Variants in CNGA1 observed in about 807,000 individuals in gnomAD.
The protein encoded by CNGA1 is cyclic nucleotide-gated channel alpha-1.
A neutral mutation model predicts 69.7 loss-of-function variants in CNGA1; 53 were observed. The ratio of observed to expected loss-of-function variants is 0.76; its 90% CI spans 0.61 to 0.96. The LOEUF (loss-of-function observed/expected upper bound fraction) is 0.96. CNGA1 is among the 40% of genes least tolerant of loss of function. The pLI is 0.00. For synonymous variants in CNGA1, 249 were observed against 283.5 expected (o/e 0.88, Z 1.22); for missense variants, 739 against 811.2 (o/e 0.91, Z 1.08).
At chr4:48,000,714 T>C (rs1190037798) in intron 2 of CNGA1, among the ~76,000 whole-genome samples, 1 of 124,356 alleles carries the variant, frequency 8.0e-6, no homozygotes, top group Admixed American at 8.7e-5. Flanking sequence ...AGGGAGAAAG[T>C]AGGCACATTA....
At chr4:47,967,949 G>A (rs954523191) in intron 3 of CNGA1, among the ~76,000 whole-genome samples, 5 of 152,180 alleles carry the variant, frequency 3.3e-5, no homozygotes, top group African/African-American at 1.2e-4. Context: ...CTGCACTCCA[G>A]CCTGGGTGAC....
At chr4:47,940,671 C>T in intron 10 of CNGA1, 92 bp downstream of exon 10, 1 of 939,564 alleles carries the variant, frequency 1.1e-6, no homozygotes, top group Non-Finnish European at 1.7e-6. Flanking sequence ...TGTGAGTTTT[C>T]TTTGAAGAAT....
intron 2 of CNGA1, among the ~76,000 whole-genome samples, chr4:48,000,991 A>C (rs1199901665): frequency 6.6e-6 from 1 of 152,182 alleles, no homozygotes; most frequent in Admixed American, 6.5e-5. Flanking sequence ...TTAGCCTTGA[A>C]TCTAACCACA....
intron 2 of CNGA1, among the ~76,000 whole-genome samples, chr4:47,992,694 T>C (rs538919223): frequency 2.0e-5 from 3 of 151,498 alleles, no homozygotes; most frequent in Non-Finnish European, 4.4e-5. Flanking sequence ...ATTTATTTAG[T>C]CTGATTGCTC....
intron 3 of CNGA1, among the ~76,000 whole-genome samples, chr4:47,963,567 G>A (rs1278067679): frequency 6.6e-6 from 1 of 152,190 alleles, no homozygotes; most frequent in Non-Finnish European, 1.5e-5. Flanking sequence ...ACTGTGGTGA[G>A]GATAAAATGA....
chr4:48,014,192 G>A (rs1304007312), intron 1 of CNGA1, among the ~76,000 whole-genome samples: 1 of 152,086 alleles, frequency 6.6e-6, no homozygotes, highest in Admixed American at 6.5e-5. Flanking sequence ...TCTTCTTTTA[G>A]TTAAACAAAC....
chr4:47,967,224 A>T (rs1283392955), intron 3 of CNGA1, among the ~76,000 whole-genome samples: 2 of 152,070 alleles, frequency 1.3e-5, no homozygotes, highest in Admixed American at 1.3e-4. Flanking sequence ...AATCACTTGA[A>T]CCCAGGAGAC....
chr4:47,976,302 C>T (rs375709252), intron 3 of CNGA1, among the ~76,000 whole-genome samples: 2 of 30,642 alleles, frequency 6.5e-5, no homozygotes, highest in African/African-American at 1.1e-4. Flanking sequence ...TATACACATA[C>T]ATATATATAT....
chr4:47,998,601 C>A lies in CNGA1; in HGVS notation c.-123+12193G>T, dbSNP rs562022866. Among the ~76,000 whole-genome samples the A allele has an allele frequency of 2.0e-5, 3 of 150,570 alleles. No homozygotes were observed. The South Asian group carries it at 6.4e-4, about 32-fold the overall frequency. On this transcript the variant is annotated intron_variant, in intron 2 of 10. Transcript: ENST00000514170. ...ACCAGCCTGACCAACATGGTGAAAA[C>A]CCGTCTCTACTAAAAATACAAAAAA...
At chr4:47,984,166 A>G (rs999687160) in intron 2 of CNGA1, among the ~76,000 whole-genome samples, 3 of 152,186 alleles carry the variant, frequency 2.0e-5, no homozygotes, top group African/African-American at 7.2e-5. Flanking sequence ...ATTGCCTCTA[A>G]CAGTGATAGC....
chr4:47,952,016 A>C (rs1739771430), intron 4 of CNGA1, among the ~76,000 whole-genome samples: 1 of 152,190 alleles, frequency 6.6e-6, no homozygotes, highest in African/African-American at 2.4e-5. Flanking sequence ...TTGACTAAAG[A>C]AATGTTTGGC....
chr4:48,007,134 T>C (rs1714954501), intron 2 of CNGA1, among the ~76,000 whole-genome samples: 1 of 152,120 alleles, frequency 6.6e-6, no homozygotes, highest in Non-Finnish European at 1.5e-5. Flanking sequence ...AAAAACAGCA[T>C]GAAGCCAAAT....
At chr4:47,960,287 G>A (rs1309376558) in intron 3 of CNGA1, among the ~76,000 whole-genome samples, 1 of 152,138 alleles carries the variant, frequency 6.6e-6, no homozygotes, top group Admixed American at 6.5e-5. Flanking sequence ...TCACTGGTGG[G>A]ACAAAAGATT....
Position 47,943,446 on chromosome 4 carries a change from C to T in CNGA1, c.288-34G>A. 3 of 1,205,528 alleles carry T rather than the reference C, an allele frequency of 2.5e-6. No individual in the cohort carries two copies. In the South Asian group the frequency reaches 4.4e-5, roughly 18 times the overall value. 74.7% of individuals were successfully genotyped at this position (1,205,528 alleles called of 1,614,324 possible). ...AAAAATAATATATCTGTCACATAAT[C>T]ACAGTCTTCCACTCTTATTTACTTT... On this transcript the variant is annotated intron_variant, in intron 6 of 10. Transcript: ENST00000514170.
chr4:47,972,683 C>A (rs749764969), intron 3 of CNGA1, among the ~76,000 whole-genome samples: 3 of 152,112 alleles, frequency 2.0e-5, no homozygotes, highest in Non-Finnish European at 4.4e-5. Context: ...TGTTTATATT[C>A]TTGGTCTGCT....
chr4:47,971,635 C>CA (rs1180364104), intron 3 of CNGA1, among the ~76,000 whole-genome samples: 2 of 152,074 alleles, frequency 1.3e-5, no homozygotes, highest in African/African-American at 2.4e-5. Flanking sequence ...CTCACGCTTG[C>CA]AATCCCAGCA....
intron 2 of CNGA1, among the ~76,000 whole-genome samples, chr4:47,985,803 C>A (rs1221710329): frequency 6.6e-6 from 1 of 151,144 alleles, no homozygotes; most frequent in Non-Finnish European, 1.5e-5. Context: ...CTAAATATTA[C>A]GGATTCCTGG....
chr4:48,008,928 A>G (rs1715033290), intron 2 of CNGA1, among the ~76,000 whole-genome samples: 1 of 152,382 alleles, frequency 6.6e-6, no homozygotes, highest in Middle Eastern at 3.4e-3. Flanking sequence ...TTTACTAAAT[A>G]ATTCAAAATA....
intron 2 of CNGA1, among the ~76,000 whole-genome samples, chr4:48,009,534 G>A (rs1429756425): frequency 2.0e-5 from 3 of 150,620 alleles, no homozygotes; most frequent in African/African-American, 7.3e-5. Flanking sequence ...GCCACGCACA[G>A]TGGCTCATGC....
Sources: allele counts gnomAD v4.1 joint callset (sites outside exome capture counted in the v4.1 genomes callset), GRCh38; gene constraint gnomAD v4.1.1; transcripts MANE v1.5; gene names NCBI Gene and HGNC (gene_info 2026-07-23, HGNC 2026-07-21).